HEMK2: variants seen among roughly 807,000 people sequenced by gnomAD.
HEMK2 encodes the protein HemK methyltransferase 2, ETF1 glutamine and histone H4 lysine.
chr21:28,657,848 T>C, the HEMK2 span, among the ~76,000 whole-genome samples: 1 of 152,002 alleles, frequency 6.6e-6, no homozygotes, highest in South Asian at 2.1e-4. Context: ...CTAGATAGAC[T>C]TGGATTGAAA....
At chr21:28,794,092 C>T in the HEMK2 span, among the ~76,000 whole-genome samples, 1 of 152,162 alleles carries the variant, frequency 6.6e-6, no homozygotes, top group Non-Finnish European at 1.5e-5. Context: ...TTTCAGTACA[C>T]TCCTTCAGAA....
At chr21:28,797,906 T>C in the HEMK2 span, among the ~76,000 whole-genome samples, 283 of 152,338 alleles carry the variant, frequency 1.9e-3, 2 homozygotes, top group Non-Finnish European at 3.2e-3. Flanking sequence ...CTGATACAGA[T>C]AATCAAAGTT....
the HEMK2 span, among the ~76,000 whole-genome samples, chr21:28,836,438 G>C: frequency 1.3e-5 from 2 of 151,916 alleles, no homozygotes; most frequent in Non-Finnish European, 2.9e-5. Flanking sequence ...CAAATGCTAA[G>C]AGAATTCGCC....
chr21:28,621,476 C>T, the HEMK2 span, among the ~76,000 whole-genome samples: 20 of 152,190 alleles, frequency 1.3e-4, no homozygotes, highest in East Asian at 3.7e-3. Flanking sequence ...TGCTGTTTCA[C>T]GCGTCCGTGT....
At chr21:28,844,512 C>G in the HEMK2 span, among the ~76,000 whole-genome samples, 1 of 152,064 alleles carries the variant, frequency 6.6e-6, no homozygotes, top group African/African-American at 2.4e-5. Context: ...TTTTTAATGA[C>G]ATTTTTGCCA....
At chr21:28,655,436 T>C in the HEMK2 span, among the ~76,000 whole-genome samples, 1 of 152,100 alleles carries the variant, frequency 6.6e-6, no homozygotes, top group Non-Finnish European at 1.5e-5. Flanking sequence ...AAAATCCATT[T>C]GAATTCATCA....
the HEMK2 span, among the ~76,000 whole-genome samples, chr21:28,831,446 A>AAAAGAAAG: frequency 5.8e-5 from 5 of 86,416 alleles, no homozygotes; most frequent in African/African-American, 3.4e-4. Flanking sequence ...CTCTATCTCA[A>AAAAGAAAG]AAAGAAAGAA....
At chr21:28,874,304 G>A in the HEMK2 span, 2 of 152,262 alleles carry the variant, frequency 1.3e-5, no homozygotes, top group Admixed American at 6.5e-5. Context: ...CTGCGCGAAG[G>A]GAAAGTGAAT....
chr21:28,854,061 G>A, the HEMK2 span, among the ~76,000 whole-genome samples: 1 of 152,154 alleles, frequency 6.6e-6, no homozygotes, highest in East Asian at 1.9e-4. Flanking sequence ...TTGAGGCTCA[G>A]TATCTGCTTC....
At chr21:28,779,703 A>T in the HEMK2 span, among the ~76,000 whole-genome samples, 4 of 152,074 alleles carry the variant, frequency 2.6e-5, no homozygotes, top group Non-Finnish European at 4.4e-5. Flanking sequence ...TTCTCTCTAG[A>T]TCTTTTCTAT....
At chr21:28,727,753 T>C in the HEMK2 span, among the ~76,000 whole-genome samples, 1 of 152,348 alleles carries the variant, frequency 6.6e-6, no homozygotes, top group African/African-American at 2.4e-5. Context: ...GGACCACTTG[T>C]TTATAAGCCT....
chr21:28,690,651 C>A, the HEMK2 span, among the ~76,000 whole-genome samples: 1 of 152,228 alleles, frequency 6.6e-6, no homozygotes, highest in South Asian at 2.1e-4. Context: ...AACTCAAATG[C>A]AGCCACCTCT....
At chr21:28,596,207 C>T in the HEMK2 span, among the ~76,000 whole-genome samples, 1 of 152,006 alleles carries the variant, frequency 6.6e-6, no homozygotes, top group Non-Finnish European at 1.5e-5. Flanking sequence ...TTAGTAGAGA[C>T]AGGGTTTCAT....
chr21:28,766,913 G>A, the HEMK2 span, among the ~76,000 whole-genome samples: 4 of 152,110 alleles, frequency 2.6e-5, no homozygotes, highest in East Asian at 5.8e-4. Flanking sequence ...CACTGCTTGG[G>A]CAATGGGTGG....
the HEMK2 span, among the ~76,000 whole-genome samples, chr21:28,731,331 T>C: frequency 2.0e-5 from 3 of 152,288 alleles, no homozygotes; most frequent in South Asian, 4.1e-4. Flanking sequence ...TCTATAAATA[T>C]CCAATTTCTG....
the HEMK2 span, among the ~76,000 whole-genome samples, chr21:28,803,080 T>G: frequency 1.3e-5 from 2 of 152,206 alleles, no homozygotes; most frequent in Non-Finnish European, 2.9e-5. Context: ...TTAGCCCTGG[T>G]TGCACACAAC....
the HEMK2 span, among the ~76,000 whole-genome samples, chr21:28,878,978 G>A: frequency 1.4e-5 from 2 of 147,762 alleles, no homozygotes; most frequent in South Asian, 4.2e-4. Context: ...AAGGCACACT[G>A]AAGCATGTTT....
At chr21:28,882,243 C>T in the HEMK2 span, 1 of 1,610,982 alleles carries the variant, frequency 6.2e-7, no homozygotes, top group Non-Finnish European at 8.5e-7. Context: ...GGGTTGATAT[C>T]AGTGCACCTA....
At chr21:28,717,847 T>C in the HEMK2 span, among the ~76,000 whole-genome samples, 2 of 152,112 alleles carry the variant, frequency 1.3e-5, no homozygotes, top group Non-Finnish European at 2.9e-5. Flanking sequence ...TAGTTAGCCG[T>C]CTATTGATCT....
Sources: gnomAD v4.1 joint callset for allele counts (sites outside exome capture counted in the v4.1 genomes callset) on GRCh38, gnomAD v4.1.1 for gene constraint, MANE v1.5 for transcripts, NCBI Gene and HGNC (gene_info 2026-07-23, HGNC 2026-07-21) for gene names.